Variants in LIN7A observed in about 807,000 individuals in gnomAD.
LIN7A encodes the protein protein lin-7 homolog A.
A neutral mutation model predicts 29.8 loss-of-function variants in LIN7A; 25 were observed. That is an observed-to-expected ratio of 0.84 (90% confidence interval 0.61 to 1.17). The LOEUF (loss-of-function observed/expected upper bound fraction) is 1.17. Among genes scored for constraint, LIN7A ranks in the 50% most tolerant of loss-of-function variants. LIN7A has a pLI of 0.00. For synonymous variants in LIN7A, 118 were observed against 107.5 expected, an observed-to-expected ratio of 1.10 and a Z score of -0.60; for missense variants, 239 against 287.0, an observed-to-expected ratio of 0.83 and a Z score of 1.21.
chr12:80,927,396 G>A lies in LIN7A; in HGVS notation c.82+10245C>T, dbSNP rs190420621. Among the ~76,000 whole-genome samples the A allele has an allele frequency of 2.0e-3, 298 of 152,116 alleles. 3 individuals are homozygous for A. The highest frequency in any genetic ancestry group is 6.8e-3 in the African/African-American group (283 of 41,540). ...GAGCTCCTGACCTCGTGATCTGCCCGCCTTGGCCTCCCAAAGTGCTGGGAT... is the reference window on the plus strand; with the variant it reads ...GAGCTCCTGACCTCGTGATCTGCCCACCTTGGCCTCCCAAAGTGCTGGGAT... On this transcript the variant is annotated intron_variant, in intron 1 of 5. Transcript: ENST00000552864.
At chr12:80,822,991 C>G (rs1462615387) in intron 4 of LIN7A, among the ~76,000 whole-genome samples, 1 of 152,158 alleles carries the variant, frequency 6.6e-6, no homozygotes, top group African/African-American at 2.4e-5. Flanking sequence ...ACCTACTCCC[C>G]TCTGAAGCCC....
In LIN7A at chr12:80,845,777, G is replaced by A; in HGVS notation, c.436C>T (p.His146Tyr). 6.2e-7 allele frequency: 1 copy of A among 1,613,922 alleles called. No homozygotes were observed. The highest frequency in any genetic ancestry group is 8.5e-7 in the Non-Finnish European group (1 of 1,179,946). The change falls in exon 4 of 6, where the codon CAC becomes TAC. Residue 146 changes from histidine (H) to tyrosine (Y), a missense_variant. Transcript: ENST00000552864. ...RIIPGGVAER[H>Y]GGLKRGDQLL... ...TGGTCTCCTCTTTTGAGGCCTCCGT[G>A]TCTTTCAGCCACCCCTCCAGGAATT...
chr12:80,868,760 G>A (rs907977970), intron 2 of LIN7A, among the ~76,000 whole-genome samples: 3 of 152,170 alleles, frequency 2.0e-5, no homozygotes, highest in African/African-American at 7.2e-5. Flanking sequence ...CCATTGCTAA[G>A]CTTTAATTAA....
chr12:80,923,575 T>G (rs1877425965), intron 1 of LIN7A, among the ~76,000 whole-genome samples: 1 of 152,224 alleles, frequency 6.6e-6, no homozygotes, highest in Admixed American at 6.5e-5. Flanking sequence ...TTACCAACAT[T>G]GCTATGTAAG....
chr12:80,829,121 T>C (rs755877371), intron 4 of LIN7A, among the ~76,000 whole-genome samples: 3 of 152,162 alleles, frequency 2.0e-5, no homozygotes, highest in Non-Finnish European at 2.9e-5. Context: ...TTTGTTTAAA[T>C]AGTACTTTCA....
intron 2 of LIN7A, among the ~76,000 whole-genome samples, chr12:80,864,200 C>T (rs576423389): frequency 5.3e-4 from 80 of 152,060 alleles, no homozygotes; most frequent in Admixed American, 1.8e-3. Context: ...AGACATAAGG[C>T]TTAAGATGAC....
intron 4 of LIN7A, among the ~76,000 whole-genome samples, chr12:80,830,781 A>G (rs1298626123): frequency 1.3e-5 from 2 of 152,108 alleles, no homozygotes; most frequent in Non-Finnish European, 2.9e-5. Context: ...TTCAAACCTT[A>G]AAGACTTGGT....
rs1234671721 is a variant in LIN7A at position 80,796,861 on chromosome 12, G to A, written c.*866C>T. ...GAGTGGGTTTATGTATATAACATAC[G>A]AGAATCTGTTCACAGGGCTAGGTCC... On this transcript the variant is annotated 3_prime_UTR_variant, in exon 6 of 6. Coordinates refer to ENST00000552864, the MANE Select transcript of LIN7A (RefSeq NM_004664.4). 1 of 151,948 alleles carries A rather than the reference G, an allele frequency of 6.6e-6. No homozygotes were observed. Among genetic ancestry groups the A allele is most frequent in the African/African-American group, 2.4e-5 (1 of 41,390 alleles). 9.4% of individuals were successfully genotyped at this position (151,948 alleles called of 1,614,324 possible). A position where few individuals can be genotyped will look rare whatever the true frequency, so the allele number is the denominator to read the frequency against.
chr12:80,929,101 G>T (rs1877752286), intron 1 of LIN7A, among the ~76,000 whole-genome samples: 1 of 151,922 alleles, frequency 6.6e-6, no homozygotes, highest in African/African-American at 2.4e-5. Flanking sequence ...TTATGTTGGT[G>T]CAAAAGTAAT....
chr12:80,889,470 T>A, intron 1 of LIN7A, 101 bp from the exon 2 acceptor site: 1 of 731,912 alleles, frequency 1.4e-6, no homozygotes, highest in Non-Finnish European at 2.3e-6. Context: ...GAAAAGCAAG[T>A]GGACTTAAAT....
At chr12:80,854,555 C>G (rs1217896610) in intron 2 of LIN7A, among the ~76,000 whole-genome samples, 1 of 104,248 alleles carries the variant, frequency 9.6e-6, no homozygotes, top group Non-Finnish European at 2.0e-5. Flanking sequence ...AAAGACAAAA[C>G]AATACGGATA....
rs954760400 is a variant in LIN7A at position 80,794,199 on chromosome 12, C to A, written c.*3528G>T. 6.6e-6 allele frequency: 1 copy of A among 152,148 alleles called. No homozygotes were observed. Among genetic ancestry groups the A allele is most frequent in the African/African-American group, 2.4e-5 (1 of 41,438 alleles). 9.4% of individuals were successfully genotyped at this position (152,148 alleles called of 1,614,324 possible). On this transcript the variant is annotated 3_prime_UTR_variant, in exon 6 of 6. Coordinates refer to ENST00000552864, the MANE Select transcript of LIN7A (RefSeq NM_004664.4). ...TTTTGTCTATTCACTGATTCAGCCA[C>A]TTATTCATCCAACAAATACCGAGTG...
intron 1 of LIN7A, among the ~76,000 whole-genome samples, chr12:80,929,919 A>T (rs1240686760): frequency 1.3e-5 from 2 of 151,918 alleles, no homozygotes; most frequent in African/African-American, 4.8e-5. Context: ...TATATTCCCC[A>T]ATTTTTTCTT....
chr12:80,919,091 C>A (rs561243890), intron 1 of LIN7A, among the ~76,000 whole-genome samples: 1 of 152,172 alleles, frequency 6.6e-6, no homozygotes, highest in African/African-American at 2.4e-5. Flanking sequence ...AATAAAATCA[C>A]CTAATGCTTC....
At chr12:80,850,375 A>C (rs890268919) in intron 2 of LIN7A, among the ~76,000 whole-genome samples, 3 of 152,170 alleles carry the variant, frequency 2.0e-5, no homozygotes, top group Admixed American at 2.0e-4. Context: ...GTATGTTTCC[A>C]AAAGTTAGCT....
intron 1 of LIN7A, among the ~76,000 whole-genome samples, chr12:80,921,981 T>C (rs891186020): frequency 2.0e-5 from 3 of 152,234 alleles, no homozygotes; most frequent in Non-Finnish European, 4.4e-5. Flanking sequence ...CCTTCAGTAA[T>C]GTGCATTAAA....
At chr12:80,825,040 T>A (rs1161569583) in intron 4 of LIN7A, among the ~76,000 whole-genome samples, 2 of 152,166 alleles carry the variant, frequency 1.3e-5, no homozygotes, top group Non-Finnish European at 2.9e-5. Context: ...AGAAAGGGCA[T>A]CCAAATCAGT....
intron 4 of LIN7A, among the ~76,000 whole-genome samples, chr12:80,813,839 G>C (rs1200666400): frequency 6.6e-6 from 1 of 152,064 alleles, no homozygotes; most frequent in Non-Finnish European, 1.5e-5. Context: ...AACTGCCAAG[G>C]CCTTTTTGCC....
intron 4 of LIN7A, among the ~76,000 whole-genome samples, chr12:80,820,663 C>T (rs1871761159): frequency 9.3e-6 from 1 of 107,086 alleles, no homozygotes; most frequent in South Asian, 2.9e-4. Flanking sequence ...ACACACCCAT[C>T]TTCAGGAGTA....
Sources: gnomAD v4.1 joint callset for allele counts (sites outside exome capture counted in the v4.1 genomes callset) on GRCh38, gnomAD v4.1.1 for gene constraint, MANE v1.5 for transcripts, NCBI Gene and HGNC (gene_info 2026-07-23, HGNC 2026-07-21) for gene names.